Variants in KLHL3 observed in about 807,000 individuals in gnomAD.
KLHL3 encodes kelch like family member 3.
A neutral mutation model predicts 70.5 loss-of-function variants in KLHL3; 19 were observed. The observed-to-expected ratio is 0.27, with a 90% CI of 0.19 to 0.40. KLHL3 has a LOEUF of 0.40. KLHL3 is among the 10% of genes least tolerant of loss of function. The probability of loss-of-function intolerance (pLI) is 1.00; values close to 1 mark genes in which losing one functional copy is unlikely to be tolerated. For synonymous variants in KLHL3, 258 were observed against 290.3 expected (o/e 0.89, Z 1.13); for missense variants, 512 against 771.1 (o/e 0.66, Z 3.98).
intron 6 of KLHL3, among the ~76,000 whole-genome samples, chr5:137,668,506 G>A (rs529756681): frequency 1.3e-4 from 20 of 152,216 alleles, no homozygotes; most frequent in South Asian, 6.2e-4. Context: ...ACGCCCTCCT[G>A]GGACACCTCC....
chr5:137,669,129 C>T (rs1032881211), intron 6 of KLHL3, among the ~76,000 whole-genome samples: 1 of 152,114 alleles, frequency 6.6e-6, no homozygotes, highest in African/African-American at 2.4e-5. Flanking sequence ...ATTTGCCTGA[C>T]ATTACCCAAC....
At chr5:137,632,943 T>C (rs1394744520) in intron 12 of KLHL3, among the ~76,000 whole-genome samples, 2 of 152,056 alleles carry the variant, frequency 1.3e-5, no homozygotes, top group African/African-American at 2.4e-5. Context: ...AAAATGAAGA[T>C]TAAAACCACA....
At chr5:137,720,647 C>A in intron 1 of KLHL3, 63 bp from the exon 2 acceptor site, 1 of 1,604,658 alleles carries the variant, frequency 6.2e-7, no homozygotes, top group South Asian at 1.1e-5. Flanking sequence ...ATTCATCCAA[C>A]TGCCAAAAGC....
intron 13 of KLHL3, chr5:137,628,081 T>G: frequency 1.7e-6 from 1 of 572,976 alleles, no homozygotes; most frequent in South Asian, 2.0e-5. Context: ...GGAAAGGGGA[T>G]CCTCTGCATC....
intron 13 of KLHL3, 139 bp downstream of exon 13, chr5:137,628,158 C>T (rs1304913070): frequency 9.4e-7 from 1 of 1,066,888 alleles, no homozygotes; most frequent in Non-Finnish European, 1.4e-6. Context: ...CAAGAGCCCA[C>T]CTGGCAAATG....
chr5:137,628,355 A>G lies in KLHL3; in HGVS notation c.1533T>C (p.Asp511=). The change falls in exon 13 of 15, where the codon GAT becomes GAC. Residue 511 remains aspartate (D), a synonymous_variant. Coordinates refer to ENST00000309755, the MANE Select transcript of KLHL3 (RefSeq NM_017415.3). ...PLVRKSVEVY[D]PGTNTWKQVA... is the part of the protein sequence containing the mutation. ...CTTGCTTCCAGGTATTTGTTCCAGG[A>G]TCGTAAACCTCAACGCTCTTCCTCA... 6.2e-7 allele frequency: 1 copy of G among 1,613,870 alleles called. No homozygotes were observed. The highest frequency in any genetic ancestry group is 8.5e-7 in the Non-Finnish European group (1 of 1,179,942).
At chr5:137,684,021 A>G (rs1263290972) in intron 5 of KLHL3, among the ~76,000 whole-genome samples, 2 of 152,252 alleles carry the variant, frequency 1.3e-5, no homozygotes, top group Non-Finnish European at 2.9e-5. Context: ...TGAGGCAACC[A>G]TCATAGAAAA....
intron 2 of KLHL3, among the ~76,000 whole-genome samples, chr5:137,719,075 C>T (rs1337471842): frequency 1.3e-5 from 2 of 152,214 alleles, no homozygotes; most frequent in Non-Finnish European, 2.9e-5. Context: ...CTTATTTGTC[C>T]TTCAAAATTC....
Position 137,628,696 on chromosome 5 carries a change from AAT to A in KLHL3, c.1451-261_1451-260del, listed in dbSNP as rs952252057. On this transcript the variant is annotated intron_variant, in intron 12 of 14. Coordinates refer to ENST00000309755, the MANE Select transcript of KLHL3 (RefSeq NM_017415.3). ...ATTCTGTTTTTAAAAAACATTAAAA[AAT>A]ATATATATATATATACACACACACA... 626 of 234,274 alleles carry A rather than the reference AAT, an allele frequency of 2.7e-3. 2 individuals are homozygous for A. The highest frequency in any genetic ancestry group is 5.4e-3 in the East Asian group (76 of 13,970). The allele number at this position is 234,274 out of a possible 1,614,324, so 14.5% of individuals were successfully genotyped here. A position where few individuals can be genotyped will look rare whatever the true frequency, so the allele number is the denominator to read the frequency against.
At chr5:137,681,655 T>C (rs1430804114) in intron 5 of KLHL3, among the ~76,000 whole-genome samples, 1 of 151,998 alleles carries the variant, frequency 6.6e-6, no homozygotes, top group African/African-American at 2.4e-5. Context: ...CTTTTAACCA[T>C]GGGTTAAAAG....
chr5:137,697,531 A>G (rs1242093089), intron 4 of KLHL3, among the ~76,000 whole-genome samples: 1 of 152,190 alleles, frequency 6.6e-6, no homozygotes, highest in Non-Finnish European at 1.5e-5. Context: ...AAGTGAAGAG[A>G]TTAAAAGTCC....
In KLHL3 at chr5:137,662,034, A is replaced by T. The variant is rs1355292340; in HGVS notation, c.637-3T>A. Reference sequence around the variant, plus strand: ...CATGAGATCACAGCTTCAAACACCTATAAAGAAAAGCAACATGGGCAACTT... The same window carrying T: ...CATGAGATCACAGCTTCAAACACCTTTAAAGAAAAGCAACATGGGCAACTT... On this transcript the variant is annotated splice_region_variant and splice_polypyrimidine_tract_variant and intron_variant, in intron 6 of 14. Transcript: ENST00000309755. 6.4e-7 allele frequency: 1 copy of T among 1,566,518 alleles called. No homozygotes were observed. Among genetic ancestry groups the T allele is most frequent in the Admixed American group, 1.7e-5 (1 of 59,052 alleles).
At chr5:137,651,667 T>C (rs1442579234) in intron 8 of KLHL3, among the ~76,000 whole-genome samples, 1 of 152,144 alleles carries the variant, frequency 6.6e-6, no homozygotes, top group Non-Finnish European at 1.5e-5. Context: ...TCAATACCAT[T>C]CCAAGCAGAA....
At chr5:137,676,440 C>A (rs1159404637) in intron 6 of KLHL3, among the ~76,000 whole-genome samples, 3 of 152,080 alleles carry the variant, frequency 2.0e-5, no homozygotes, top group Non-Finnish European at 4.4e-5. Flanking sequence ...AAGATGTAGT[C>A]CCTAACATCA....
chr5:137,714,882 C>CA (rs1003752879), intron 2 of KLHL3, among the ~76,000 whole-genome samples: 18 of 150,110 alleles, frequency 1.2e-4, no homozygotes, highest in Non-Finnish European at 1.8e-4. Context: ...GACAGACCAT[C>CA]AAAAAAAAAG....
At chr5:137,728,451 T>C (rs1753119693) in intron 1 of KLHL3, among the ~76,000 whole-genome samples, 1 of 152,156 alleles carries the variant, frequency 6.6e-6, no homozygotes. Flanking sequence ...CCCCCTCAAC[T>C]TTCTCTCCAT....
intron 12 of KLHL3, chr5:137,629,316 G>C (rs1308831798): frequency 2.0e-5 from 3 of 152,188 alleles, no homozygotes; most frequent in African/African-American, 4.8e-5. Flanking sequence ...CCCTTTCTGG[G>C]CCTCAGTTTC....
chr5:137,689,510 C>T (rs1282409401), intron 5 of KLHL3, among the ~76,000 whole-genome samples: 1 of 152,208 alleles, frequency 6.6e-6, no homozygotes, highest in Non-Finnish European at 1.5e-5. Context: ...AGAACAAAAT[C>T]ATGTCCTTTG....
intron 12 of KLHL3, among the ~76,000 whole-genome samples, chr5:137,630,610 A>G (rs1750610169): frequency 6.6e-6 from 1 of 152,248 alleles, no homozygotes; most frequent in African/African-American, 2.4e-5. Flanking sequence ...AAAACTTTAG[A>G]AACCAAAATG....
Sources: gnomAD v4.1 joint callset for allele counts (sites outside exome capture counted in the v4.1 genomes callset) on GRCh38, gnomAD v4.1.1 for gene constraint, MANE v1.5 for transcripts, NCBI Gene and HGNC (gene_info 2026-07-23, HGNC 2026-07-21) for gene names.